Variants in PLCB1 observed in about 807,000 individuals in gnomAD.
PLCB1 encodes the protein 1-phosphatidylinositol 4,5-bisphosphate phosphodiesterase beta-1.
A neutral mutation model predicts 161.8 loss-of-function variants in PLCB1; 46 were observed. That is an observed-to-expected ratio of 0.28 (90% CI 0.22 to 0.36). PLCB1 has a LOEUF of 0.36. Among genes scored for constraint, PLCB1 ranks in the 10% least tolerant of loss-of-function variants. The pLI, the probability that PLCB1 is intolerant of heterozygous loss-of-function variation, is 1.00. For synonymous variants in PLCB1, 517 were observed against 503.7 expected (o/e 1.03, Z -0.35); for missense variants, 1,016 against 1,472.5 (o/e 0.69, Z 5.07).
intron 3 of PLCB1, among the ~76,000 whole-genome samples, chr20:8,476,245 G>A (rs1982274522): frequency 6.6e-6 from 1 of 152,158 alleles, no homozygotes; most frequent in Admixed American, 6.5e-5. Flanking sequence ...TGTTGCAATG[G>A]ATTCTGTACC....
At chr20:8,580,875 A>G (rs939107840) in intron 3 of PLCB1, among the ~76,000 whole-genome samples, 1 of 152,238 alleles carries the variant, frequency 6.6e-6, no homozygotes, top group African/African-American at 2.4e-5. Flanking sequence ...ACTTCGGGCA[A>G]AGGGAACTGT....
At chr20:8,811,039 TA>T (rs2146252114) in intron 31 of PLCB1, among the ~76,000 whole-genome samples, 1 of 152,230 alleles carries the variant, frequency 6.6e-6, no homozygotes, top group African/African-American at 2.4e-5. Context: ...AGGGACCACC[TA>T]TGAGGTAGGA....
Position 8,647,379 on chromosome 20 carries a change from A to G in PLCB1, c.465-521A>G, listed in dbSNP as rs181830797. Among the ~76,000 whole-genome samples, 18 of 152,306 alleles carry G rather than the reference A, an allele frequency of 1.2e-4. No individual in the cohort carries two copies. In the East Asian group the frequency reaches 2.5e-3, roughly 21 times the overall value. The stretch of plus-strand genomic sequence containing the variant: ...GAAAGATGTCTCCCTATGAATAGCT[A>G]CTATGGACATGTCTTTTAGTGAACA... On this transcript the variant is annotated intron_variant, in intron 5 of 31. Coordinates refer to ENST00000338037, the MANE Select transcript of PLCB1 (RefSeq NM_015192.4).
intron 2 of PLCB1, among the ~76,000 whole-genome samples, chr20:8,308,226 A>G (rs1396555733): frequency 6.6e-6 from 1 of 152,036 alleles, no homozygotes; most frequent in African/African-American, 2.4e-5. Flanking sequence ...TTTATTATTT[A>G]ATAAACACAT....
chr20:8,681,084 GTGTATATA>G (rs1449245025), intron 9 of PLCB1, among the ~76,000 whole-genome samples: 16 of 39,772 alleles, frequency 4.0e-4, no homozygotes, highest in African/African-American at 2.0e-3. Flanking sequence ...ATATGTGTGT[GTGTATATA>G]TATATATATA....
intron 2 of PLCB1, among the ~76,000 whole-genome samples, chr20:8,354,516 C>G (rs1247160321): frequency 6.6e-6 from 1 of 152,016 alleles, no homozygotes; most frequent in Non-Finnish European, 1.5e-5. Context: ...TTGTACACAC[C>G]CTCTTCCAAA....
At chr20:8,153,917 T>A (rs2051533803) in intron 2 of PLCB1, among the ~76,000 whole-genome samples, 1 of 152,180 alleles carries the variant, frequency 6.6e-6, no homozygotes, top group African/African-American at 2.4e-5. Flanking sequence ...TTTTTAATAT[T>A]GTGGATAATA....
intron 2 of PLCB1, 66 bp from the exon 3 acceptor site, chr20:8,371,316 A>G (rs371629911): frequency 1.6e-4 from 166 of 1,052,642 alleles, no homozygotes; most frequent in Non-Finnish European, 2.3e-4. Flanking sequence ...AAGTGATGTC[A>G]ATGACATAAA....
chr20:8,292,922 A>G (rs760518958), intron 2 of PLCB1, among the ~76,000 whole-genome samples: 3 of 152,210 alleles, frequency 2.0e-5, no homozygotes, highest in Non-Finnish European at 4.4e-5. Flanking sequence ...CCCAGAACGT[A>G]GCACATAGTA....
chr20:8,485,048 T>C (rs1219875270), intron 3 of PLCB1, among the ~76,000 whole-genome samples: 2 of 152,230 alleles, frequency 1.3e-5, no homozygotes, highest in Non-Finnish European at 2.9e-5. Flanking sequence ...GGAATAATAA[T>C]TTGAAAACCA....
chr20:8,560,574 T>G (rs1308997734), intron 3 of PLCB1, among the ~76,000 whole-genome samples: 1 of 152,020 alleles, frequency 6.6e-6, no homozygotes. Flanking sequence ...TCAACTAATT[T>G]GAAAGTTTAA....
intron 2 of PLCB1, among the ~76,000 whole-genome samples, chr20:8,358,909 A>G (rs1423002930): frequency 6.6e-6 from 1 of 152,150 alleles, no homozygotes; most frequent in Non-Finnish European, 1.5e-5. Flanking sequence ...CTGTGCTTCC[A>G]CCTTTCAGGC....
At chr20:8,873,496 T>C (rs1455604297) in intron 31 of PLCB1, among the ~76,000 whole-genome samples, 1 of 152,148 alleles carries the variant, frequency 6.6e-6, no homozygotes, top group Non-Finnish European at 1.5e-5. Context: ...ATAGAAATTA[T>C]ATTAGATTTT....
chr20:8,204,905 T>C (rs1433538092), intron 2 of PLCB1, among the ~76,000 whole-genome samples: 3 of 152,216 alleles, frequency 2.0e-5, no homozygotes, highest in African/African-American at 7.2e-5. Flanking sequence ...CATCATTTTT[T>C]TTCCTTGCCA....
intron 9 of PLCB1, among the ~76,000 whole-genome samples, chr20:8,684,131 A>C (rs574510545): frequency 1.3e-5 from 2 of 151,996 alleles, no homozygotes; most frequent in Non-Finnish European, 2.9e-5. Flanking sequence ...TGATCTGCCC[A>C]CCTTGGCCTC....
chr20:8,563,282 A>G (rs1292345987), intron 3 of PLCB1, among the ~76,000 whole-genome samples: 2 of 152,040 alleles, frequency 1.3e-5, no homozygotes, highest in African/African-American at 2.4e-5. Flanking sequence ...TACCAAGTAG[A>G]AAAAAAGCAA....
chr20:8,410,133 C>T (rs774806636), intron 3 of PLCB1, among the ~76,000 whole-genome samples: 1 of 151,918 alleles, frequency 6.6e-6, no homozygotes, highest in Non-Finnish European at 1.5e-5. Flanking sequence ...TGTAGATTGT[C>T]CATTTTCTTT....
chr20:8,359,625 C>T (rs767914264), intron 2 of PLCB1, among the ~76,000 whole-genome samples: 13 of 152,048 alleles, frequency 8.5e-5, no homozygotes, highest in Admixed American at 2.6e-4. Flanking sequence ...ACCATTTGCA[C>T]GTTAGATTAC....
chr20:8,774,236 C>T (rs151182954), intron 26 of PLCB1, among the ~76,000 whole-genome samples: 4 of 147,056 alleles, frequency 2.7e-5, no homozygotes, highest in African/African-American at 1.0e-4. Flanking sequence ...TTTTATTAGA[C>T]ACTGTTTTTC....
Sources: allele counts gnomAD v4.1 joint callset (sites outside exome capture counted in the v4.1 genomes callset), GRCh38; gene constraint gnomAD v4.1.1; transcripts MANE v1.5; gene names NCBI Gene and HGNC (gene_info 2026-07-23, HGNC 2026-07-21).